CLDND1: variants seen among roughly 807,000 people sequenced by gnomAD.
CLDND1 encodes the protein claudin domain containing 1, also known as claudin domain-containing protein 1.
In CLDND1, 13 loss-of-function variants were observed where a neutral mutation model predicts 26.3. The observed-to-expected ratio is 0.49, with a 90% CI of 0.32 to 0.78. The LOEUF is 0.78. CLDND1 is among the 30% of genes least tolerant of loss of function. The probability of loss-of-function intolerance (pLI) is 0.03; values close to 1 mark genes in which losing one functional copy is unlikely to be tolerated. For missense variants in CLDND1, 289 were observed against 312.8 expected, an observed-to-expected ratio of 0.92 and a Z score of 0.57; for synonymous variants, 107 against 107.0, an observed-to-expected ratio of 1.00 and a Z score of 0.00.
chr3:98,521,710 C>T (rs1284037262), intron 1 of CLDND1: 1 of 1,611,406 alleles, frequency 6.2e-7, no homozygotes. Flanking sequence ...CATACTAAAA[C>T]AGACAACACT....
In CLDND1 at chr3:98,516,709, G is replaced by A. The variant is rs141729450; in HGVS notation, c.712C>T (p.His238Tyr). Residue 238 changes from histidine to tyrosine, a missense_variant, in exon 5 of 5, where the codon CAC (histidine) becomes TAC (tyrosine). By Grantham distance (83) the His-to-Tyr change is moderately conservative. Transcript: ENST00000341181. ...AAGGTGTACTCTTTCCGGTTGGTGT[G>A]AGCAGCCCAGATGAAGAGAGCAGAA... Reference protein sequence around the residue: ...MASALFIWAAHTNRKEYTLMK... With the variant: ...MASALFIWAAYTNRKEYTLMK... 940 of 1,614,142 alleles carry A rather than the reference G, an allele frequency of 5.8e-4. 2 individuals are homozygous for A. The highest frequency in any genetic ancestry group is 3.1e-3 in the Admixed American group (184 of 60,018).
At position 98,521,263 on chromosome 3, in the gene CLDND1, G is replaced by C; in HGVS notation, c.162C>G (p.Phe54Leu). ...SDLNKSIWDE[F>L]ISDEADEKTY... ...TCTTTTCATCTGCCTCATCACTAAT[G>C]AATTCATCCCAGATGCTTTTATTCA... The change falls in exon 2 of 5, where the codon TTC becomes TTG. Residue 54 changes from phenylalanine (F) to leucine (L), a missense_variant. Physicochemically the swap from Phe to Leu is conservative, Grantham distance 22 (BLOSUM62 0). Transcript: ENST00000341181. The C allele has an allele frequency of 1.2e-6, 2 of 1,614,178 alleles. No individual in the cohort carries two copies. Among genetic ancestry groups the C allele is most frequent in the Non-Finnish European group, 1.7e-6 (2 of 1,180,016 alleles).
At chr3:98,519,028 T>C in intron 2 of CLDND1, 33 bp from the exon 3 acceptor site, 2 of 1,216,796 alleles carry the variant, frequency 1.6e-6, no homozygotes, top group African/African-American at 1.5e-5. Flanking sequence ...TTGTTTTAAT[T>C]ATAAACATTT....
At chr3:98,522,684 G>A in intron 1 of CLDND1, 165 bp downstream of exon 1, 1 of 1,461,638 alleles carries the variant, frequency 6.8e-7, no homozygotes, top group Non-Finnish European at 9.0e-7. Context: ...GGGTCCCCCG[G>A]TACCCGACCA....
intron 2 of CLDND1, among the ~76,000 whole-genome samples, chr3:98,519,369 G>A (rs1011424341): frequency 6.6e-6 from 1 of 152,178 alleles, no homozygotes; most frequent in Non-Finnish European, 1.5e-5. Flanking sequence ...CACACTTCCA[G>A]TTCCTCAGAC....
rs556111644 is a variant in CLDND1, at chr3:98,516,459, T to C, written c.*200A>G. The C allele has an allele frequency of 6.6e-6, 9 of 1,356,834 alleles. 1 individual carries two copies. The South Asian group carries it at 1.5e-4, about 23-fold the overall frequency. The allele number at this position is 1,356,834 out of a possible 1,614,324, so 84.0% of individuals were successfully genotyped here. On this transcript the variant is annotated 3_prime_UTR_variant, in exon 5 of 5. Coordinates refer to ENST00000341181, the MANE Select transcript of CLDND1 (RefSeq NM_001040181.2). Reference sequence around the variant, plus strand: ...GACCTAGATTAGTTTATTTGAAAGATGGCATCGCTTAAAGTAAACCACATA... The same window carrying C: ...GACCTAGATTAGTTTATTTGAAAGACGGCATCGCTTAAAGTAAACCACATA...
chr3:98,519,995 T>G (rs950420564), intron 2 of CLDND1, among the ~76,000 whole-genome samples: 1 of 152,246 alleles, frequency 6.6e-6, no homozygotes, highest in Non-Finnish European at 1.5e-5. Context: ...ATCCCTTTTG[T>G]GTTCTATTTT....
At chr3:98,518,857 A>T (rs778176834) in intron 3 of CLDND1, 28 bp downstream of exon 3, 2 of 1,270,742 alleles carry the variant, frequency 1.6e-6, no homozygotes, top group African/African-American at 2.9e-5. Flanking sequence ...TGTTCCCCCA[A>T]CTGTCCTGGT....
At chr3:98,517,228 T>C (rs369767340) in intron 3 of CLDND1, 39 bp from the exon 4 acceptor site, 7 of 1,594,862 alleles carry the variant, frequency 4.4e-6, no homozygotes, top group Non-Finnish European at 6.0e-6. Flanking sequence ...GTTACCGTGA[T>C]TTCAGACCAT....
chr3:98,521,765 T>G (rs1266434731), intron 1 of CLDND1: 1 of 1,359,688 alleles, frequency 7.4e-7, no homozygotes, highest in Non-Finnish European at 1.1e-6. Context: ...GACATGCCCA[T>G]GGTCAGCAGT....
At position 98,517,378 on chromosome 3, in the gene CLDND1, A is replaced by G. The variant is rs1706189817; in HGVS notation, c.404-189T>C. 4.7e-6 allele frequency: 3 copies of G among 635,628 alleles called. No individual in the cohort carries two copies. The Admixed American group carries it at 9.6e-5, about 20-fold the overall frequency. 39.4% of individuals were successfully genotyped at this position (635,628 alleles called of 1,614,324 possible). On this transcript the variant is annotated intron_variant, in intron 3 of 4. Coordinates refer to ENST00000341181, the MANE Select transcript of CLDND1 (RefSeq NM_001040181.2). ...CTCTTGTCCTGATAAAAGTAAAAGG[A>G]CACTAACAGGTAGTAGCAATTACTG...
chr3:98,516,346 A>G lies in CLDND1; in HGVS notation c.*313T>C. On this transcript the variant is annotated 3_prime_UTR_variant, in exon 5 of 5. Transcript: ENST00000341181. ...AGTTTTACTGAAAAGTCTAACAGAC[A>G]TTAGCACAACTTGTTTTCGGTCACA... The G allele has an allele frequency of 9.0e-7, 1 of 1,113,166 alleles. No homozygotes were observed. The highest frequency in any genetic ancestry group is 1.1e-6 in the Non-Finnish European group (1 of 910,608). 69.0% of individuals were successfully genotyped at this position (1,113,166 alleles called of 1,614,324 possible).
In CLDND1 at chr3:98,516,494, G is replaced by T; in HGVS notation, c.*165C>A. 1 of 1,393,408 alleles carries T rather than the reference G, an allele frequency of 7.2e-7. No homozygotes were observed. Among genetic ancestry groups the T allele is most frequent in the South Asian group, 1.7e-5 (1 of 58,170 alleles). 86.3% of individuals were successfully genotyped at this position (1,393,408 alleles called of 1,614,324 possible). On this transcript the variant is annotated 3_prime_UTR_variant, in exon 5 of 5. Coordinates refer to ENST00000341181, the MANE Select transcript of CLDND1 (RefSeq NM_001040181.2). Reference sequence around the variant, plus strand: ...TAAAGTAAACCACATAAATTTTAGTGGTATTAAGTGTGTATTTAGTGGTGA... The same window carrying T: ...TAAAGTAAACCACATAAATTTTAGTTGTATTAAGTGTGTATTTAGTGGTGA...
At chr3:98,518,858 C>G in intron 3 of CLDND1, 27 bp downstream of exon 3, 1 of 1,276,144 alleles carries the variant, frequency 7.8e-7, no homozygotes, top group Non-Finnish European at 1.1e-6. Flanking sequence ...GTTCCCCCAA[C>G]TGTCCTGGTG....
chr3:98,518,873 C>T lies in CLDND1; in HGVS notation c.403+12G>A, dbSNP rs1429123849. 11 of 1,492,588 alleles carry T rather than the reference C, an allele frequency of 7.4e-6. No individual in the cohort carries two copies. Among genetic ancestry groups the T allele is most frequent in the Non-Finnish European group, 1.0e-5 (11 of 1,069,618 alleles). 92.5% of individuals were successfully genotyped at this position (1,492,588 alleles called of 1,614,324 possible). On this transcript the variant is annotated intron_variant, in intron 3 of 4. Transcript: ENST00000341181. ...GTTCCCCCAACTGTCCTGGTGAAAT[C>T]AAAGTACTCACAGGTCCTAAGGAGA...
chr3:98,522,697 C>A lies in CLDND1; in HGVS notation c.-19+152G>T, dbSNP rs115013591. On this transcript the variant is annotated intron_variant, in intron 1 of 4. Coordinates refer to ENST00000341181, the MANE Select transcript of CLDND1 (RefSeq NM_001040181.2). ...CAGGGTCCCCCGGTACCCGACCAGG[C>A]CCCGCCCTAGAGGGCTCGGCCCTGG... The A allele has an allele frequency of 6.8e-4, 1,015 of 1,486,056 alleles. 8 individuals are homozygous for A. In the African/African-American group the frequency reaches 0.013, roughly 19 times the overall value. 92.1% of individuals were successfully genotyped at this position (1,486,056 alleles called of 1,614,324 possible).
rs1234618371 is a variant in CLDND1 at position 98,517,131 on chromosome 3, C to A, written c.462G>T (p.Gly154=). The change falls in exon 4 of 5, where the codon GGG becomes GGT. Residue 154 remains glycine (G), a synonymous_variant. Coordinates refer to ENST00000341181, the MANE Select transcript of CLDND1 (RefSeq NM_001040181.2). ...PFVSLGLMCF[G]ALIGLCACIC... ...TGCAAGCACAAAGTCCGATCAAAGCCCCAAAGCACATCAAACCTAAACTCA... is the reference window on the plus strand; with the variant it reads ...TGCAAGCACAAAGTCCGATCAAAGCACCAAAGCACATCAAACCTAAACTCA... The A allele has an allele frequency of 3.1e-6, 5 of 1,613,936 alleles. No individual in the cohort carries two copies. The African/African-American group carries it at 6.7e-5, about 22-fold the overall frequency.
Position 98,517,081 on chromosome 3 carries a change from A to G in CLDND1, c.512T>C (p.Ile171Thr), listed in dbSNP as rs1331030053. 6.2e-7 allele frequency: 1 copy of G among 1,614,184 alleles called. No homozygotes were observed. The highest frequency in any genetic ancestry group is 8.5e-7 in the Non-Finnish European group (1 of 1,180,008). ...AAGGAGATGGAGAATGCCCGTGGCAATGGTGGGATATAAGCTTCGGCAAAT... is the reference window on the plus strand; with the variant it reads ...AAGGAGATGGAGAATGCCCGTGGCAGTGGTGGGATATAAGCTTCGGCAAAT... Reference protein sequence around the residue: ...ACICRSLYPTIATGILHLLAG... With the variant: ...ACICRSLYPTTATGILHLLAG... Residue 171 changes from isoleucine (I) to threonine (T), a missense_variant, in exon 4 of 5, where the codon ATT becomes ACT. Coordinates refer to ENST00000341181, the MANE Select transcript of CLDND1 (RefSeq NM_001040181.2).
intron 1 of CLDND1, chr3:98,521,970 G>C (rs1451252909): frequency 2.3e-6 from 1 of 431,074 alleles, no homozygotes; most frequent in Non-Finnish European, 4.1e-6. Context: ...CAGAGTTGAA[G>C]ATGTTTGTTA....
Sources: gnomAD v4.1 joint callset for allele counts (sites outside exome capture counted in the v4.1 genomes callset) on GRCh38, gnomAD v4.1.1 for gene constraint, MANE v1.5 for transcripts, NCBI Gene and HGNC (gene_info 2026-07-23, HGNC 2026-07-21) for gene names.